Variants in TAF4B observed in about 807,000 individuals in gnomAD.
TAF4B encodes TATA-box binding protein associated factor 4b.
Under a neutral mutation model 86.4 loss-of-function variants are expected in TAF4B, and 38 were observed. The observed-to-expected ratio is 0.44, with a 90% CI of 0.34 to 0.58. The LOEUF (loss-of-function observed/expected upper bound fraction) is 0.58, where lower values mean the gene tolerates loss of function less well. Ranked by LOEUF, TAF4B falls within the 20% of genes least tolerant of loss-of-function variation. TAF4B has a pLI of 0.02. For missense variants in TAF4B, 988 were observed against 1,027.6 expected, an observed-to-expected ratio of 0.96 and a Z score of 0.53; for synonymous variants, 388 against 391.2, an observed-to-expected ratio of 0.99 and a Z score of 0.10.
chr18:26,308,748 T>A (rs1378221449), intron 9 of TAF4B, among the ~76,000 whole-genome samples: 2 of 151,750 alleles, frequency 1.3e-5, no homozygotes, highest in African/African-American at 4.8e-5. Context: ...GGTGCATGCC[T>A]GTAGTCCCAG....
chr18:26,348,289 ACAG>A, intron 13 of TAF4B: 1 of 152,396 alleles, frequency 6.6e-6, no homozygotes, highest in Non-Finnish European at 1.5e-5. Context: ...GTGCAATTAA[ACAG>A]CAGTCTCCTG....
At chr18:26,315,923 C>T (rs2056906365) in intron 10 of TAF4B, among the ~76,000 whole-genome samples, 1 of 152,094 alleles carries the variant, frequency 6.6e-6, no homozygotes, top group Admixed American at 6.5e-5. Context: ...GAAAACACGG[C>T]CAGACACGGT....
rs59802300 is a variant in TAF4B at position 26,278,546 on chromosome 18, C to A, written c.883-3425C>A. Among the ~76,000 whole-genome samples the A allele has an allele frequency of 9.9e-3, 1,504 of 151,500 alleles. 12 individuals carry two copies. The highest frequency in any genetic ancestry group is 0.034 in the African/African-American group (1,399 of 41,326). On this transcript the variant is annotated intron_variant, in intron 5 of 14. Transcript: ENST00000269142. ...TAGTTTCCCAACTCCTGGCCTCAAGCGATCCTGCACCCTTGGCCCGCCAAA... is the reference window on the plus strand; with the variant it reads ...TAGTTTCCCAACTCCTGGCCTCAAGAGATCCTGCACCCTTGGCCCGCCAAA...
At chr18:26,388,023 A>C (rs1485369282) in intron 14 of TAF4B, among the ~76,000 whole-genome samples, 1 of 152,182 alleles carries the variant, frequency 6.6e-6, no homozygotes, top group Non-Finnish European at 1.5e-5. Context: ...GAGTAATTAA[A>C]ATTTAATTGT....
chr18:26,308,879 C>CAAAAAAAAAAAAAAAAAAAAAAAAAAA (rs71169847), intron 9 of TAF4B, among the ~76,000 whole-genome samples: 1 of 80,368 alleles, frequency 1.2e-5, no homozygotes, highest in Non-Finnish European at 2.3e-5. Flanking sequence ...GACTCTGTCT[C>CAAAAAAAAAAAAAAAAAAAAAAAAAAA]AAAAAAAAAA....
At chr18:26,315,131 TC>T (rs2056891100) in intron 9 of TAF4B, 97 bp from the exon 10 acceptor site, 19 of 361,778 alleles carry the variant, frequency 5.3e-5, no homozygotes, top group Non-Finnish European at 7.1e-5. Flanking sequence ...TCTCTCTCTC[TC>T]TCTCTCTCTC....
intron 14 of TAF4B, among the ~76,000 whole-genome samples, chr18:26,374,191 G>A (rs1487645519): frequency 6.6e-6 from 1 of 152,120 alleles, no homozygotes; most frequent in Non-Finnish European, 1.5e-5. Context: ...TAATATTTGA[G>A]GCTTTACATG....
intron 14 of TAF4B, among the ~76,000 whole-genome samples, chr18:26,388,663 A>G (rs1598848556): frequency 6.6e-6 from 1 of 152,354 alleles, no homozygotes; most frequent in South Asian, 2.1e-4. Context: ...CTATTGGCAG[A>G]GGAGCCATGT....
chr18:26,369,996 C>T (rs8094743), intron 14 of TAF4B, among the ~76,000 whole-genome samples: 12,171 of 152,190 alleles, frequency 0.08, 1,517 homozygotes, highest in African/African-American at 0.27. Context: ...TGGTCCGTGG[C>T]ATACAGTGGC....
At chr18:26,247,414 C>T (rs1054181328) in intron 1 of TAF4B, among the ~76,000 whole-genome samples, 4 of 152,190 alleles carry the variant, frequency 2.6e-5, no homozygotes, top group Admixed American at 6.5e-5. Context: ...CCTCCAAATT[C>T]TCAGCCGTCT....
chr18:26,307,554 CATA>C (rs2056807386), intron 9 of TAF4B, among the ~76,000 whole-genome samples: 1 of 151,914 alleles, frequency 6.6e-6, no homozygotes, highest in Non-Finnish European at 1.5e-5. Flanking sequence ...TTTAGAGATA[CATA>C]ATAAAATATT....
At chr18:26,336,952 TTAA>T (rs1453123259) in intron 13 of TAF4B, among the ~76,000 whole-genome samples, 1 of 152,212 alleles carries the variant, frequency 6.6e-6, no homozygotes, top group Non-Finnish European at 1.5e-5. Context: ...AGTATGTTGT[TTAA>T]TAATTCCGTA....
At chr18:26,302,371 A>ATTTTTTTTTTTTTT (rs66683595) in intron 9 of TAF4B, among the ~76,000 whole-genome samples, 1 of 93,072 alleles carries the variant, frequency 1.1e-5, no homozygotes, top group Non-Finnish European at 2.0e-5. Context: ...TTCATATTAA[A>ATTTTTTTTTTTTTT]TTTTTTTTTT....
intron 10 of TAF4B, among the ~76,000 whole-genome samples, chr18:26,319,211 G>A (rs958211036): frequency 1.4e-5 from 2 of 145,438 alleles, no homozygotes; most frequent in Admixed American, 1.4e-4. Context: ...ATAATAATAG[G>A]CCAGGAGCGG....
At chr18:26,244,057 T>G (rs2055884126) in intron 1 of TAF4B, among the ~76,000 whole-genome samples, 1 of 152,176 alleles carries the variant, frequency 6.6e-6, no homozygotes, top group Non-Finnish European at 1.5e-5. Context: ...AGGCAGTCTA[T>G]CCAATCTCAA....
At chr18:26,231,317 A>G (rs2055664905) in intron 1 of TAF4B, among the ~76,000 whole-genome samples, 1 of 143,642 alleles carries the variant, frequency 7.0e-6, no homozygotes, top group Admixed American at 7.1e-5. Context: ...TGCTGGGATT[A>G]CAGATGTGAG....
Position 26,335,186 on chromosome 18 carries a change from TAAA to T in TAF4B, c.2272_2274del (p.Lys758del), listed in dbSNP as rs746502932. The T allele has an allele frequency of 6.2e-7, 1 of 1,609,212 alleles. No homozygotes were observed. The highest frequency in any genetic ancestry group is 8.5e-7 in the Non-Finnish European group (1 of 1,175,854). ...TTTTCCTTTGATAGAGTCGTTCTAA[TAAA>T]GAAGATCCAGAACAGCTGAGATTAA... is the stretch of plus-strand genomic sequence containing the variant. On this transcript the variant is annotated inframe_deletion, in exon 13 of 15. Coordinates refer to ENST00000269142, the MANE Select transcript of TAF4B (RefSeq NM_005640.3).
intron 14 of TAF4B, among the ~76,000 whole-genome samples, chr18:26,360,379 A>G (rs757998641): frequency 1.6e-4 from 25 of 152,002 alleles, no homozygotes; most frequent in Non-Finnish European, 3.2e-4. Flanking sequence ...ATGGAGTTAC[A>G]TTTTTCAATC....
intron 12 of TAF4B, among the ~76,000 whole-genome samples, chr18:26,331,773 T>G (rs1253128449): frequency 6.6e-6 from 1 of 152,232 alleles, no homozygotes; most frequent in African/African-American, 2.4e-5. Flanking sequence ...TCACTTGGAC[T>G]TTCATACTAA....
Sources: gnomAD v4.1 joint callset for allele counts (sites outside exome capture counted in the v4.1 genomes callset) on GRCh38, gnomAD v4.1.1 for gene constraint, MANE v1.5 for transcripts, NCBI Gene and HGNC (gene_info 2026-07-23, HGNC 2026-07-21) for gene names.